ZBTB20: variants seen among roughly 807,000 people sequenced by gnomAD.
ZBTB20 encodes the protein zinc finger and BTB domain containing 20.
Under a neutral mutation model 56.9 loss-of-function variants are expected in ZBTB20, and 9 were observed. That is an observed-to-expected ratio of 0.16 (90% CI 0.10 to 0.28). ZBTB20 has a LOEUF of 0.28. Among genes scored for constraint, ZBTB20 ranks in the 10% least tolerant of loss-of-function variants. The pLI is 1.00. For missense variants in ZBTB20, 655 were observed against 1,003.0 expected (o/e 0.65, Z 4.69); for synonymous variants, 417 against 420.7 (o/e 0.99, Z 0.11).
chr3:114,448,991 T>G (rs1179660025), intron 7 of ZBTB20, among the ~76,000 whole-genome samples: 1 of 152,120 alleles, frequency 6.6e-6, no homozygotes, highest in Non-Finnish European at 1.5e-5. Context: ...CACTGAAAGG[T>G]GATATGTTGC....
At chr3:114,708,710 C>T (rs1471216834) in intron 5 of ZBTB20, among the ~76,000 whole-genome samples, 1 of 152,028 alleles carries the variant, frequency 6.6e-6, no homozygotes, top group Non-Finnish European at 1.5e-5. Flanking sequence ...AATATATGTA[C>T]AGGAAAATAT....
intron 5 of ZBTB20, among the ~76,000 whole-genome samples, chr3:114,728,640 A>G (rs537852505): frequency 2.0e-5 from 3 of 152,348 alleles, no homozygotes; most frequent in African/African-American, 7.2e-5. Flanking sequence ...AGGCTATTTC[A>G]TTGCCAAGAA....
chr3:114,795,232 A>G (rs557936822), intron 5 of ZBTB20, among the ~76,000 whole-genome samples: 1 of 152,220 alleles, frequency 6.6e-6, no homozygotes, highest in East Asian at 1.9e-4. Flanking sequence ...AAATAAATGT[A>G]TGGATTTTGT....
chr3:114,839,639 C>A (rs1185673445), intron 4 of ZBTB20, among the ~76,000 whole-genome samples: 1 of 151,952 alleles, frequency 6.6e-6, no homozygotes, highest in East Asian at 1.9e-4. Context: ...GAGAATGTGA[C>A]CTTATTTGGA....
At position 114,339,145 on chromosome 3, in the gene ZBTB20, G is replaced by C; in HGVS notation, c.2086C>G (p.Pro696Ala). The change falls in exon 12 of 12, where the codon CCC becomes GCC. Residue 696 changes from proline (P) to alanine (A), a missense_variant. By Grantham distance (27) the Pro-to-Ala change is conservative. This residue lies in a region of ZBTB20 where 89 missense variants were observed against 79.7 expected (regional missense o/e 1.12). Coordinates refer to ENST00000675478, the MANE Select transcript of ZBTB20 (RefSeq NM_001348800.3). The surrounding 1 kb of genome is among the most constrained non-coding windows in gnomAD (Gnocchi z 4.2). ...ASNGTPPAGT[P>A]PGARAGPPGV... The stretch of plus-strand genomic sequence containing the variant: ...GGGGGGCCAGCGCGGGCACCTGGGG[G>C]TGTGCCTGCAGGGGGGGTCCCATTG... 1 of 1,613,684 alleles carries C rather than the reference G, an allele frequency of 6.2e-7. No homozygotes were observed. The highest frequency in any genetic ancestry group is 8.5e-7 in the Non-Finnish European group (1 of 1,179,642).
chr3:114,801,587 G>T (rs1023304256), intron 4 of ZBTB20, among the ~76,000 whole-genome samples: 1 of 151,658 alleles, frequency 6.6e-6, no homozygotes, highest in South Asian at 2.1e-4. Context: ...AAATCTATGG[G>T]TCTGAATACA....
intron 4 of ZBTB20, among the ~76,000 whole-genome samples, chr3:114,879,082 G>A (rs778583692): frequency 6.6e-6 from 1 of 152,086 alleles, no homozygotes; most frequent in Non-Finnish European, 1.5e-5. Context: ...TATTAATTTG[G>A]CCTGTTTTCT....
At chr3:114,735,901 T>C (rs1008519997) in intron 5 of ZBTB20, among the ~76,000 whole-genome samples, 1 of 152,088 alleles carries the variant, frequency 6.6e-6, no homozygotes, top group Non-Finnish European at 1.5e-5. Flanking sequence ...TGGGGAAAGA[T>C]CCATTTTCCA....
chr3:114,450,069 TATG>T (rs1476741248), intron 7 of ZBTB20, among the ~76,000 whole-genome samples: 1 of 152,228 alleles, frequency 6.6e-6, no homozygotes, highest in Non-Finnish European at 1.5e-5. Context: ...ACTTTTGCTC[TATG>T]ATATTTAGAA....
At chr3:115,104,196 A>C (rs1017225448) in intron 1 of ZBTB20, among the ~76,000 whole-genome samples, 1 of 152,220 alleles carries the variant, frequency 6.6e-6, no homozygotes, top group South Asian at 2.1e-4. Flanking sequence ...AGCACTGACA[A>C]CACCAAATGA....
intron 10 of ZBTB20, among the ~76,000 whole-genome samples, chr3:114,365,101 T>A (rs1392414343): frequency 6.6e-6 from 1 of 152,104 alleles, no homozygotes; most frequent in African/African-American, 2.4e-5. Context: ...TTTTCTTCCC[T>A]CCCAGCCTCC....
chr3:114,544,892 A>G (rs1350605647), intron 6 of ZBTB20, among the ~76,000 whole-genome samples: 1 of 152,216 alleles, frequency 6.6e-6, no homozygotes, highest in Non-Finnish European at 1.5e-5. Context: ...ATTTAATACC[A>G]AAACATGGAA....
At chr3:114,817,520 AAAATAAATAAATAAAT>A (rs35530713) in intron 4 of ZBTB20, among the ~76,000 whole-genome samples, 80 of 143,176 alleles carry the variant, frequency 5.6e-4, no homozygotes, top group African/African-American at 1.5e-3. Flanking sequence ...CTCTGTCTCA[AAAATAAATAAATAAAT>A]AAATAAATAA....
chr3:114,789,079 C>G (rs1048769504), intron 5 of ZBTB20, among the ~76,000 whole-genome samples: 3 of 152,096 alleles, frequency 2.0e-5, no homozygotes, highest in African/African-American at 7.2e-5. Flanking sequence ...CAGAGCCAAA[C>G]CATATCAGGG....
intron 1 of ZBTB20, among the ~76,000 whole-genome samples, chr3:115,131,273 T>C (rs1176901069): frequency 6.6e-6 from 1 of 152,182 alleles, no homozygotes; most frequent in Non-Finnish European, 1.5e-5. Flanking sequence ...AAAATAACCC[T>C]ACTATAAGGT....
chr3:114,483,639 A>C (rs2109393315), intron 7 of ZBTB20, among the ~76,000 whole-genome samples: 2 of 152,270 alleles, frequency 1.3e-5, no homozygotes, highest in Middle Eastern at 3.4e-3. Context: ...CAGAAGACTG[A>C]ACGATATGTA....
At chr3:114,668,640 A>G (rs1182118500) in intron 6 of ZBTB20, among the ~76,000 whole-genome samples, 1 of 152,048 alleles carries the variant, frequency 6.6e-6, no homozygotes, top group East Asian at 1.9e-4. Context: ...AGGGTAAAAT[A>G]TCAACTATTA....
At position 114,318,262 on chromosome 3, in the gene ZBTB20, T is replaced by C. The variant is rs772742243; in HGVS notation, c.*20743A>G. On this transcript the variant is annotated 3_prime_UTR_variant, in exon 12 of 12. Coordinates refer to ENST00000675478, the MANE Select transcript of ZBTB20 (RefSeq NM_001348800.3). ...GGTGGGCAAGATCCCTTGTGCTCAG[T>C]GGTCTCTTGCCCCACCTTCCTGAGG... 9.2e-5 allele frequency: 14 copies of C among 152,236 alleles called. No homozygotes were observed. The highest frequency in any genetic ancestry group is 1.8e-4 in the Non-Finnish European group (12 of 68,058). The allele number at this position is 152,236 out of a possible 1,614,324, so 9.4% of individuals were successfully genotyped here. A position where few individuals can be genotyped will look rare whatever the true frequency, so the allele number is the denominator to read the frequency against.
chr3:114,821,317 G>A (rs2073229885), intron 4 of ZBTB20, among the ~76,000 whole-genome samples: 1 of 152,118 alleles, frequency 6.6e-6, no homozygotes, highest in African/African-American at 2.4e-5. Flanking sequence ...ATTCAGACAT[G>A]TGCACCATAT....
Sources: gnomAD v4.1 joint callset for allele counts (sites outside exome capture counted in the v4.1 genomes callset) on GRCh38, gnomAD v4.1.1 for gene constraint, gnomAD v4.1.1 regional missense constraint, Gnocchi (gnomAD v3.1) non-coding constraint, MANE v1.5 for transcripts, NCBI Gene and HGNC (gene_info 2026-07-23, HGNC 2026-07-21) for gene names.